TP73: variants seen among roughly 807,000 people sequenced by gnomAD.
The protein encoded by TP73 is p53-like transcription factor.
TP73 carries 25 observed loss-of-function variants against 62.5 expected under a neutral mutation model. That is an observed-to-expected ratio of 0.40 (90% CI 0.29 to 0.56). The LOEUF (loss-of-function observed/expected upper bound fraction) is 0.56. Ranked by LOEUF, TP73 falls within the 20% of genes least tolerant of loss-of-function variation. The pLI is 0.46. For synonymous variants in TP73, 423 were observed against 377.5 expected (o/e 1.12, Z -1.40); for missense variants, 754 against 913.3 (o/e 0.83, Z 2.25).
intron 6 of TP73, 50 bp downstream of exon 6, chr1:3,723,519 G>A (rs781679958): frequency 1.8e-6 from 2 of 1,115,942 alleles, no homozygotes; most frequent in South Asian, 2.5e-5. Context: ...AGCTGTACGG[G>A]TCGGGGGAGG....
intron 4 of TP73, among the ~76,000 whole-genome samples, 176 bp from the exon 5 acceptor site, chr1:3,721,845 C>T (rs756914485): frequency 4.6e-5 from 7 of 152,206 alleles, no homozygotes; most frequent in Non-Finnish European, 8.8e-5. Context: ...CCTGGATTCA[C>T]GCCTCAAAGG....
intron 12 of TP73, 124 bp from the exon 13 acceptor site, chr1:3,731,339 C>A: frequency 1.8e-6 from 2 of 1,088,750 alleles, no homozygotes; most frequent in Non-Finnish European, 2.7e-6. Flanking sequence ...CACCTGTGGG[C>A]TGGAGCCACC....
At position 3,702,212 on chromosome 1, in the gene TP73, C is replaced by T. The variant is rs1207661812; in HGVS notation, c.187-5337C>T. ...TCAGGGCTGGGCTGAGCTCTGGCCT[C>T]CCCCACACTGCTCCTCTCTGCTCTC... On this transcript the variant is annotated intron_variant, in intron 3 of 13. Transcript: ENST00000378295. Among the ~76,000 whole-genome samples, 8 of 152,148 alleles carry T rather than the reference C, an allele frequency of 5.3e-5. No individual in the cohort carries two copies. In the East Asian group the frequency reaches 9.7e-4, roughly 18 times the overall value.
rs1645220159 is a variant in TP73, at chr1:3,670,673, AT to A, written c.-33-11659del. On this transcript the variant is annotated intron_variant, in intron 1 of 13. Transcript: ENST00000378295. This position sits in a 1 kb window ranked among gnomAD's most constrained non-coding sequence, Gnocchi z 5.9. The stretch of plus-strand genomic sequence containing the variant: ...AGAGCGAGACTCTATCTCAAAAAAA[AT>A]AAAATAAAATAAAAAAGATAGGAAA... 6.6e-6 allele frequency among the ~76,000 whole-genome samples: 1 copy of A among 152,176 alleles called. No individual in the cohort carries two copies. Among genetic ancestry groups the A allele is most frequent in the African/African-American group, 2.4e-5 (1 of 41,430 alleles).
At chr1:3,727,082 T>C in intron 6 of TP73, 33 bp from the exon 7 acceptor site, 1 of 1,588,284 alleles carries the variant, frequency 6.3e-7, no homozygotes, top group Non-Finnish European at 8.6e-7. Context: ...TGCGTGCTGA[T>C]GCTAGCCCCT....
chr1:3,679,393 G>A (rs558221468), intron 1 of TP73, among the ~76,000 whole-genome samples: 7 of 152,218 alleles, frequency 4.6e-5, no homozygotes, highest in Admixed American at 3.3e-4. Context: ...GGATGCCGTC[G>A]GCTCCCACGC....
Position 3,670,214 on chromosome 1 carries a change from C to T in TP73, c.-33-12119C>T, listed in dbSNP as rs1645208808. On this transcript the variant is annotated intron_variant, in intron 1 of 13. Transcript: ENST00000378295. The surrounding 1 kb of genome is among the most constrained non-coding windows in gnomAD (Gnocchi z 5.9). The stretch of plus-strand genomic sequence containing the variant: ...AGGGATGATGATGGGGCCAGGGGAC[C>T]ACATGGGCACAGGTAAGGCAGGGAT... Among the ~76,000 whole-genome samples the T allele has an allele frequency of 6.6e-6, 1 of 151,912 alleles. No individual in the cohort carries two copies. The highest frequency in any genetic ancestry group is 1.5e-5 in the Non-Finnish European group (1 of 67,986).
At chr1:3,684,103 A>G (rs1645588710) in intron 3 of TP73, among the ~76,000 whole-genome samples, 1 of 152,138 alleles carries the variant, frequency 6.6e-6, no homozygotes, top group Non-Finnish European at 1.5e-5. Flanking sequence ...CGGGAGGTGG[A>G]TGGCAGGTGG....
intron 3 of TP73, among the ~76,000 whole-genome samples, chr1:3,684,886 G>A (rs557844543): frequency 6.6e-6 from 1 of 152,272 alleles, no homozygotes; most frequent in Admixed American, 6.5e-5. Context: ...ATGGGGCCGG[G>A]TAGTGCAAGA....
chr1:3,710,625 A>T (rs1640060945), intron 4 of TP73, among the ~76,000 whole-genome samples: 1 of 152,160 alleles, frequency 6.6e-6, no homozygotes, highest in African/African-American at 2.4e-5. Context: ...ATCAGGAAAA[A>T]CACCCTCACC....
Position 3,666,155 on chromosome 1 carries a change from A to C in TP73, c.-34+13514A>C. ...AAAAAAAAAAAAAAAAAAAAAAGAG[A>C]GAGAGAGAGAGAGAATCTCACTCTG... On this transcript the variant is annotated intron_variant, in intron 1 of 13. Transcript: ENST00000378295. This position sits in a 1 kb window ranked among gnomAD's most constrained non-coding sequence, Gnocchi z 6.4. Among the ~76,000 whole-genome samples, 1 of 137,452 alleles carries C rather than the reference A, an allele frequency of 7.3e-6. No homozygotes were observed. Among genetic ancestry groups the C allele is most frequent in the East Asian group, 2.3e-4 (1 of 4,374 alleles). 90.2% of individuals were successfully genotyped at this position (137,452 alleles called of 152,430 possible).
At chr1:3,718,967 G>A (rs560900292) in intron 4 of TP73, among the ~76,000 whole-genome samples, 135 of 152,236 alleles carry the variant, frequency 8.9e-4, no homozygotes, top group African/African-American at 3.0e-3. Context: ...CAGGGGACAC[G>A]CAGTGAGTCA....
chr1:3,671,507 G>C, intron 1 of TP73, among the ~76,000 whole-genome samples: 1 of 152,308 alleles, frequency 6.6e-6, no homozygotes, highest in East Asian at 1.9e-4. Context: ...AGCCCCCTTC[G>C]TGACGGGGGC....
intron 1 of TP73, among the ~76,000 whole-genome samples, chr1:3,668,204 G>A (rs1377117553): frequency 1.3e-5 from 2 of 152,184 alleles, no homozygotes; most frequent in African/African-American, 2.4e-5. Flanking sequence ...ACCCAAATTG[G>A]TGTGCTTGAG....
chr1:3,686,520 G>A (rs1645661076), intron 3 of TP73, among the ~76,000 whole-genome samples: 1 of 152,172 alleles, frequency 6.6e-6, no homozygotes, highest in African/African-American at 2.4e-5. Context: ...CGTGGGCCTC[G>A]GACAACCCTC....
At chr1:3,668,709 C>G (rs1645175287) in intron 1 of TP73, 1 of 152,264 alleles carries the variant, frequency 6.6e-6, no homozygotes. Context: ...AAACAAAAAG[C>G]CAGAGGTCAG....
intron 1 of TP73, among the ~76,000 whole-genome samples, chr1:3,676,921 C>A (rs1645386630): frequency 6.6e-6 from 1 of 151,340 alleles, no homozygotes; most frequent in Non-Finnish European, 1.5e-5. Flanking sequence ...CCCTGTCTTG[C>A]ACACTAGATT....
intron 11 of TP73, 113 bp from the exon 12 acceptor site, chr1:3,730,814 C>T (rs1001705372): frequency 4.4e-6 from 6 of 1,366,360 alleles, no homozygotes; most frequent in South Asian, 1.4e-5. Context: ...AGCGTCACAT[C>T]GCCAGGCCTT....
At chr1:3,671,883 G>T (rs752853314) in intron 1 of TP73, among the ~76,000 whole-genome samples, 1 of 152,096 alleles carries the variant, frequency 6.6e-6, no homozygotes, top group Non-Finnish European at 1.5e-5. Context: ...GGGAGGTCAC[G>T]GGGCTGAGCG....
Sources: allele counts gnomAD v4.1 joint callset (sites outside exome capture counted in the v4.1 genomes callset), GRCh38; gene constraint gnomAD v4.1.1; non-coding constraint Gnocchi (gnomAD v3.1); transcripts MANE v1.5; gene names NCBI Gene and HGNC (gene_info 2026-07-23, HGNC 2026-07-21).